ZNF93: variants seen among roughly 807,000 people sequenced by gnomAD.
ZNF93 encodes the protein zinc finger protein 93.
Under a neutral mutation model 45.0 loss-of-function variants are expected in ZNF93, and 29 were observed. That is an observed-to-expected ratio of 0.64 (90% CI 0.48 to 0.88). The LOEUF is 0.88. Among genes scored for constraint, ZNF93 ranks in the 40% least tolerant of loss-of-function variants. The probability of loss-of-function intolerance (pLI) is 0.00; values close to 1 mark genes in which losing one functional copy is unlikely to be tolerated. For missense variants in ZNF93, 578 were observed against 724.0 expected, an observed-to-expected ratio of 0.80 and a Z score of 2.31; for synonymous variants, 223 against 244.6, an observed-to-expected ratio of 0.91 and a Z score of 0.82.
rs750407862 is a variant in ZNF93, at chr19:19,933,518, T to G, written c.563T>G (p.Leu188Arg). ...CGKAFNQFST[L>R]ITHKKIHTGE... ...AAAGCTTTTAACCAGTTCTCAACCC[T>G]TATAACACATAAGAAAATTCATACT... The change falls in exon 4 of 4, where the codon CTT becomes CGT. Residue 188 changes from leucine to arginine, a missense_variant. Leu to Arg is a moderately radical substitution (Grantham distance 102). Around this residue, in one of 3 missense-constraint regions of ZNF93, gnomAD observed 446 missense variants for 547.6 expected, o/e 0.81. Coordinates refer to ENST00000343769, the MANE Select transcript of ZNF93 (RefSeq NM_031218.4). 4 of 1,607,036 alleles carry G rather than the reference T, an allele frequency of 2.5e-6. No individual in the cohort carries two copies.
At position 19,935,245 on chromosome 19, in the gene ZNF93, T is replaced by C; in HGVS notation, c.*427T>C. 1 of 168,106 alleles carries C rather than the reference T, an allele frequency of 5.9e-6. No homozygotes were observed. Among genetic ancestry groups the C allele is most frequent in the Non-Finnish European group, 1.3e-5 (1 of 77,776 alleles). 10.4% of individuals were successfully genotyped at this position (168,106 alleles called of 1,614,324 possible). On this transcript the variant is annotated 3_prime_UTR_variant, in exon 4 of 4. Transcript: ENST00000343769. ...GAAGTCCTGAAGGATATTTAGTCTGTCCAAAACTAAAATGAAGATTTCAAC... is the reference window on the plus strand; with the variant it reads ...GAAGTCCTGAAGGATATTTAGTCTGCCCAAAACTAAAATGAAGATTTCAAC...
At chr19:19,902,995 T>G (rs1647563574) in intron 1 of ZNF93, among the ~76,000 whole-genome samples, 1 of 152,130 alleles carries the variant, frequency 6.6e-6, no homozygotes, top group Non-Finnish European at 1.5e-5. Flanking sequence ...CGCCTCGGCC[T>G]CCCAAAGTGC....
At chr19:19,917,348 G>A (rs2063327455) in intron 3 of ZNF93, among the ~76,000 whole-genome samples, 1 of 151,710 alleles carries the variant, frequency 6.6e-6, no homozygotes, top group Non-Finnish European at 1.5e-5. Flanking sequence ...TCAAGTTATA[G>A]ACATAAAATA....
chr19:19,923,274 T>C (rs980113494), intron 3 of ZNF93, among the ~76,000 whole-genome samples: 1 of 152,162 alleles, frequency 6.6e-6, no homozygotes, highest in Non-Finnish European at 1.5e-5. Context: ...CAAATGTTGC[T>C]GCTCCAGAGA....
intron 3 of ZNF93, 130 bp from the exon 4 acceptor site, chr19:19,933,052 C>A: frequency 1.4e-6 from 1 of 714,910 alleles, no homozygotes; most frequent in Non-Finnish European, 2.1e-6. Flanking sequence ...TTCAGGAAGA[C>A]ATTACAGCTT....
At chr19:19,914,897 C>G (rs2063318925) in intron 1 of ZNF93, 1 of 333,522 alleles carries the variant, frequency 3.0e-6, no homozygotes, top group South Asian at 2.5e-5. Context: ...ATAACAAGGT[C>G]TTCAGCTTAT....
In ZNF93 at chr19:19,934,543, A is replaced by G. The variant is rs2063386890; in HGVS notation, c.1588A>G (p.Ile530Val). Residue 530 changes from isoleucine to valine, a missense_variant, in exon 4 of 4, where the codon ATT becomes GTT. Coordinates refer to ENST00000343769, the MANE Select transcript of ZNF93 (RefSeq NM_031218.4). ...CTCAACCCTTATTAAACATAAGAAA[A>G]TTCATACTAGAGAGAAACCCTACAA... ...QSSTLIKHKK[I>V]HTREKPYKCE... is the part of the protein sequence containing the mutation. 2 of 1,613,334 alleles carry G rather than the reference A, an allele frequency of 1.2e-6. No individual in the cohort carries two copies. Among genetic ancestry groups the G allele is most frequent in the African/African-American group, 1.3e-5 (1 of 74,950 alleles).
rs775444781 is a variant in ZNF93, at chr19:19,933,460, G to GA, written c.513dup (p.Pro172ThrfsTer12). 246 of 1,601,946 alleles carry GA rather than the reference G, an allele frequency of 1.5e-4. No individual in the cohort carries two copies. The highest frequency in any genetic ancestry group is 1.7e-4 in the Non-Finnish European group (201 of 1,176,466). ...AAATAGACATAATATAAGACATACT[G>GA]AAAAAAAACCTTTCAAATGCATAGA... On this transcript the variant is annotated frameshift_variant, in exon 4 of 4. Coordinates refer to ENST00000343769, the MANE Select transcript of ZNF93 (RefSeq NM_031218.4). LOFTEE classifies it high-confidence loss of function.
chr19:19,921,031 G>C (rs1046632488), intron 3 of ZNF93, among the ~76,000 whole-genome samples: 4 of 152,124 alleles, frequency 2.6e-5, no homozygotes, highest in African/African-American at 9.7e-5. Flanking sequence ...TAATTGTGAT[G>C]TTAGGGTGTC....
chr19:19,911,632 TG>T (rs1218660431), intron 1 of ZNF93, among the ~76,000 whole-genome samples: 1 of 152,212 alleles, frequency 6.6e-6, no homozygotes, highest in Non-Finnish European at 1.5e-5. Flanking sequence ...GTGCATCATA[TG>T]GTTGGTATAA....
intron 1 of ZNF93, 57 bp downstream of exon 1, chr19:19,901,148 G>A (rs2063269138): frequency 1.2e-6 from 2 of 1,611,776 alleles, no homozygotes; most frequent in Non-Finnish European, 1.7e-6. Flanking sequence ...GGAACCGGTG[G>A]AAAGTGACGG....
rs1352096186 is a variant in ZNF93, at chr19:19,925,146, C to A, written c.227-8036C>A. On this transcript the variant is annotated intron_variant, in intron 3 of 3. Transcript: ENST00000343769. ...TGAGACCAAGTTGGCTGAACTCTATCCTGGGCTGTAGCCAAGAACAGGGGT... is the reference window on the plus strand; with the variant it reads ...TGAGACCAAGTTGGCTGAACTCTATACTGGGCTGTAGCCAAGAACAGGGGT... 2.0e-5 allele frequency among the ~76,000 whole-genome samples: 3 copies of A among 152,208 alleles called. No homozygotes were observed. In the East Asian group the frequency reaches 5.8e-4, roughly 29 times the overall value.
At chr19:19,930,697 C>T (rs1030300770) in intron 3 of ZNF93, among the ~76,000 whole-genome samples, 2 of 152,106 alleles carry the variant, frequency 1.3e-5, no homozygotes, top group Non-Finnish European at 1.5e-5. Flanking sequence ...TCTGTATGGC[C>T]TGGCTTTTCC....
intron 1 of ZNF93, among the ~76,000 whole-genome samples, chr19:19,915,017 A>G (rs2063319284): frequency 6.6e-6 from 1 of 152,230 alleles, no homozygotes; most frequent in Admixed American, 6.5e-5. Context: ...AAAAATGTAC[A>G]TGTTCATGTT....
chr19:19,927,173 A>C (rs1802326751), intron 3 of ZNF93: 1 of 398,490 alleles, frequency 2.5e-6, no homozygotes, highest in Admixed American at 4.4e-5. Context: ...AGCCAAGAGG[A>C]TCCCTGGAGC....
rs986315891 is a variant in ZNF93 at position 19,930,334 on chromosome 19, G to A, written c.227-2848G>A. 9.2e-5 allele frequency among the ~76,000 whole-genome samples: 14 copies of A among 152,336 alleles called. No individual in the cohort carries two copies. In the East Asian group the frequency reaches 9.6e-4, roughly 10 times the overall value. ...GTGTACAGTATGGAACCTGAAAGCA[G>A]ACTAGGAGCGTGACCACTGAAGCAC... On this transcript the variant is annotated intron_variant, in intron 3 of 3. Coordinates refer to ENST00000343769, the MANE Select transcript of ZNF93 (RefSeq NM_031218.4).
At chr19:19,925,650 C>T (rs755100308) in intron 3 of ZNF93, among the ~76,000 whole-genome samples, 15 of 152,106 alleles carry the variant, frequency 9.9e-5, no homozygotes, top group Non-Finnish European at 1.5e-4. Flanking sequence ...TCCATATTTA[C>T]GAAAATAGTT....
intron 3 of ZNF93, among the ~76,000 whole-genome samples, chr19:19,931,840 G>T (rs1163469140): frequency 2.6e-5 from 4 of 151,874 alleles, no homozygotes; most frequent in African/African-American, 9.7e-5. Flanking sequence ...TGCATACTTT[G>T]TATAAATAAT....
intron 3 of ZNF93, among the ~76,000 whole-genome samples, chr19:19,919,477 C>T (rs894337321): frequency 1.3e-3 from 191 of 152,116 alleles, no homozygotes; most frequent in African/African-American, 4.4e-3. Context: ...TAGTTTTTTC[C>T]AATTCTGTGA....
Sources: allele counts gnomAD v4.1 joint callset (sites outside exome capture counted in the v4.1 genomes callset), GRCh38; gene constraint gnomAD v4.1.1; regional missense constraint gnomAD v4.1.1; transcripts MANE v1.5; gene names NCBI Gene and HGNC (gene_info 2026-07-23, HGNC 2026-07-21).